Variants in ARL15 observed in about 807,000 individuals in gnomAD.
ARL15 encodes the protein ADP-ribosylation factor-like protein 15.
A neutral mutation model predicts 25.2 loss-of-function variants in ARL15; 19 were observed. The observed-to-expected ratio is 0.75, with a 90% confidence interval of 0.53 to 1.10. ARL15 has a LOEUF of 1.10. ARL15 is among the 50% of genes least tolerant of loss of function. ARL15 has a pLI of 0.00. For missense variants in ARL15, 220 were observed against 246.0 expected (o/e 0.89, Z 0.71); for synonymous variants, 94 against 86.8 (o/e 1.08, Z -0.46).
At chr5:54,208,124 A>G (rs995389157) in intron 1 of ARL15, among the ~76,000 whole-genome samples, 1 of 152,182 alleles carries the variant, frequency 6.6e-6, no homozygotes, top group East Asian at 1.9e-4. Context: ...AACTACCCCA[A>G]GAGAGAAAAC....
chr5:54,089,176 G>T (rs975284964), intron 4 of ARL15, among the ~76,000 whole-genome samples: 1 of 152,114 alleles, frequency 6.6e-6, no homozygotes, highest in African/African-American at 2.4e-5. Flanking sequence ...AGTCCATAAC[G>T]GTTTTTGCCA....
intron 1 of ARL15, among the ~76,000 whole-genome samples, chr5:54,277,442 T>C (rs190788223): frequency 8.5e-5 from 13 of 152,318 alleles, no homozygotes; most frequent in Admixed American, 8.5e-4. Flanking sequence ...CTTTCTCTGC[T>C]AGTAAAACGC....
intron 4 of ARL15, chr5:53,951,478 G>C (rs1420225231): frequency 2.1e-6 from 1 of 469,892 alleles, no homozygotes; most frequent in Non-Finnish European, 4.4e-6. Context: ...TACTCAAACA[G>C]ATATTTTGTG....
At chr5:53,893,711 C>A (rs1437071238) in intron 4 of ARL15, among the ~76,000 whole-genome samples, 1 of 152,196 alleles carries the variant, frequency 6.6e-6, no homozygotes, top group African/African-American at 2.4e-5. Context: ...AGCTTTGCTG[C>A]CTTCATTACA....
At chr5:54,197,453 C>T (rs977182654) in intron 1 of ARL15, among the ~76,000 whole-genome samples, 1 of 152,102 alleles carries the variant, frequency 6.6e-6, no homozygotes, top group Non-Finnish European at 1.5e-5. Flanking sequence ...CTTTTACCTG[C>T]CTACATTTCT....
chr5:54,182,522 A>G (rs1207273706), intron 1 of ARL15, among the ~76,000 whole-genome samples: 2 of 150,776 alleles, frequency 1.3e-5, no homozygotes, highest in Admixed American at 6.6e-5. Context: ...CTGTTTTGGT[A>G]CCAGTACCAT....
chr5:54,110,910 A>G (rs777937624), intron 4 of ARL15, among the ~76,000 whole-genome samples: 3 of 152,056 alleles, frequency 2.0e-5, no homozygotes, highest in Admixed American at 6.6e-5. Context: ...TCCTGAGAGC[A>G]TTTCAACAAG....
chr5:54,148,241 C>G (rs1442236252), intron 3 of ARL15, among the ~76,000 whole-genome samples: 2 of 152,118 alleles, frequency 1.3e-5, no homozygotes, highest in African/African-American at 4.8e-5. Flanking sequence ...TGCAAATAAC[C>G]TGGGCAGATT....
chr5:54,130,855 T>C (rs1228060851), intron 3 of ARL15, among the ~76,000 whole-genome samples: 1 of 152,210 alleles, frequency 6.6e-6, no homozygotes, highest in East Asian at 1.9e-4. Context: ...CTCTAGGTAG[T>C]TGATTTGGAA....
At chr5:54,009,485 C>G (rs897114790) in intron 4 of ARL15, among the ~76,000 whole-genome samples, 1 of 152,100 alleles carries the variant, frequency 6.6e-6, no homozygotes, top group African/African-American at 2.4e-5. Flanking sequence ...AATACTTAGG[C>G]TTTGTATTAC....
At chr5:54,310,029 C>G (rs1241094846) in intron 1 of ARL15, among the ~76,000 whole-genome samples, 1 of 152,240 alleles carries the variant, frequency 6.6e-6, no homozygotes, top group African/African-American at 2.4e-5. Context: ...CTGGTTATGG[C>G]TCTTTAATAG....
At chr5:54,075,901 GA>G (rs1561214166) in intron 4 of ARL15, among the ~76,000 whole-genome samples, 1 of 152,110 alleles carries the variant, frequency 6.6e-6, no homozygotes, top group Non-Finnish European at 1.5e-5. Flanking sequence ...TAGGTAAGAG[GA>G]TAAGATCTAG....
intron 1 of ARL15, among the ~76,000 whole-genome samples, chr5:54,187,244 C>T (rs908125278): frequency 6.6e-6 from 1 of 152,192 alleles, no homozygotes; most frequent in African/African-American, 2.4e-5. Context: ...GCTGGAGAAT[C>T]TAACCAGCCA....
At chr5:54,140,306 G>C (rs1252152065) in intron 3 of ARL15, among the ~76,000 whole-genome samples, 1 of 150,976 alleles carries the variant, frequency 6.6e-6, no homozygotes, top group Non-Finnish European at 1.5e-5. Flanking sequence ...AGTTCCTGAA[G>C]TATGAATTGT....
intron 1 of ARL15, among the ~76,000 whole-genome samples, chr5:54,192,878 T>C (rs1253185161): frequency 2.0e-5 from 3 of 152,114 alleles, no homozygotes; most frequent in Non-Finnish European, 2.9e-5. Flanking sequence ...TATCTGGAAA[T>C]ATGGAGGATA....
At chr5:53,949,035 T>G (rs1250762691) in intron 4 of ARL15, among the ~76,000 whole-genome samples, 2 of 152,118 alleles carry the variant, frequency 1.3e-5, no homozygotes, top group African/African-American at 4.8e-5. Context: ...GCAAATAATA[T>G]TCAACAAAAA....
intron 1 of ARL15, among the ~76,000 whole-genome samples, chr5:54,211,079 G>T (rs1206544574): frequency 2.0e-5 from 3 of 152,154 alleles, no homozygotes; most frequent in African/African-American, 7.2e-5. Flanking sequence ...TATTTTTATT[G>T]TTCAAAAGAC....
intron 1 of ARL15, among the ~76,000 whole-genome samples, chr5:54,193,381 C>A (rs1561261135): frequency 6.6e-6 from 1 of 152,140 alleles, no homozygotes; most frequent in Non-Finnish European, 1.5e-5. Flanking sequence ...AGGCAGTGAA[C>A]CGGTACTGGT....
chr5:54,301,860 C>T (rs1758623716), intron 1 of ARL15, among the ~76,000 whole-genome samples: 2 of 152,222 alleles, frequency 1.3e-5, no homozygotes, highest in South Asian at 4.1e-4. Context: ...CTGAAAGCAG[C>T]AGTCCAGAGG....
Sources: allele counts gnomAD v4.1 joint callset (sites outside exome capture counted in the v4.1 genomes callset), GRCh38; gene constraint gnomAD v4.1.1; transcripts MANE v1.5; gene names NCBI Gene and HGNC (gene_info 2026-07-23, HGNC 2026-07-21).